The following WAC variants were observed in gnomAD, a reference collection of about 807,000 sequenced individuals.
WAC encodes WW domain-containing adapter protein with coiled-coil.
In WAC, 11 loss-of-function variants were observed where a neutral mutation model predicts 79.6. The observed-to-expected ratio is 0.14, with a 90% confidence interval of 0.09 to 0.23. The LOEUF (loss-of-function observed/expected upper bound fraction) is 0.23, where lower values mean the gene tolerates loss of function less well. Ranked by LOEUF, WAC falls within the 10% of genes least tolerant of loss-of-function variation. WAC has a pLI of 1.00. For synonymous variants in WAC, 304 were observed against 276.9 expected (o/e 1.10, Z -0.97); for missense variants, 728 against 773.5 (o/e 0.94, Z 0.70).
intron 3 of WAC, among the ~76,000 whole-genome samples, chr10:28,566,725 G>A (rs1032370384): frequency 6.6e-6 from 1 of 152,266 alleles, no homozygotes; most frequent in African/African-American, 2.4e-5. Flanking sequence ...AAAAGTCCAA[G>A]GTCAGCCCAT....
intron 3 of WAC, among the ~76,000 whole-genome samples, chr10:28,559,037 C>T (rs1418133523): frequency 1.3e-5 from 2 of 151,986 alleles, no homozygotes; most frequent in Non-Finnish European, 2.9e-5. Context: ...CCATGAGACA[C>T]TTAACGTAGT....
Position 28,622,185 on chromosome 10 carries a change from AT to A in WAC, c.*2584del, listed in dbSNP as rs930971427. On this transcript the variant is annotated 3_prime_UTR_variant, in exon 14 of 14. Coordinates refer to ENST00000354911, the MANE Select transcript of WAC (RefSeq NM_016628.5). The stretch of plus-strand genomic sequence containing the variant: ...AGCCACCGCTCCTGGCCAGTAGTGA[AT>A]TTTTAAACACAGAAAATCTAAAATT... The A allele has an allele frequency of 6.6e-6, 1 of 152,132 alleles. No individual in the cohort carries two copies. The highest frequency in any genetic ancestry group is 1.5e-5 in the Non-Finnish European group (1 of 67,992). The allele number at this position is 152,132 out of a possible 1,614,324, so 9.4% of individuals were successfully genotyped here. A position where few individuals can be genotyped will look rare whatever the true frequency, so the allele number is the denominator to read the frequency against.
At chr10:28,577,070 A>G (rs1839279513) in intron 3 of WAC, among the ~76,000 whole-genome samples, 1 of 152,160 alleles carries the variant, frequency 6.6e-6, no homozygotes, top group African/African-American at 2.4e-5. Context: ...TAACTGTACA[A>G]CCAGCTGTCA....
Position 28,540,602 on chromosome 10 carries a change from A to C in WAC, c.274+4845A>C, listed in dbSNP as rs550363205. ...TTTTCTCTTAATCCCTCATATTTAA[A>C]GACTTGTTTACGAAGTGGAAACATT... On this transcript the variant is annotated intron_variant, in intron 3 of 13. Transcript: ENST00000354911. Among the ~76,000 whole-genome samples, 15 of 152,354 alleles carry C rather than the reference A, an allele frequency of 9.8e-5. No homozygotes were observed. The South Asian group carries it at 1.2e-3, about 13-fold the overall frequency.
At chr10:28,583,996 A>C (rs769992890) in intron 4 of WAC, among the ~76,000 whole-genome samples, 2 of 152,224 alleles carry the variant, frequency 1.3e-5, no homozygotes, top group Non-Finnish European at 2.9e-5. Flanking sequence ...AGTTTAATGA[A>C]ATAAGTTATT....
At chr10:28,555,109 G>A (rs1348938593) in intron 3 of WAC, among the ~76,000 whole-genome samples, 2 of 152,128 alleles carry the variant, frequency 1.3e-5, no homozygotes, top group African/African-American at 4.8e-5. Flanking sequence ...CCAATTGCCA[G>A]GCCAGTAATC....
intron 6 of WAC, among the ~76,000 whole-genome samples, chr10:28,592,153 A>G (rs1201688528): frequency 6.6e-6 from 1 of 152,226 alleles, no homozygotes; most frequent in Non-Finnish European, 1.5e-5. Context: ...ATATTAAAGA[A>G]CATTGAATTT....
chr10:28,619,454 A>T (rs1287646124), intron 13 of WAC, 83 bp from the exon 14 acceptor site: 13 of 1,045,112 alleles, frequency 1.2e-5, no homozygotes, highest in East Asian at 8.9e-5. Flanking sequence ...GTTTTAATTT[A>T]AAAAATTTTA....
chr10:28,554,329 G>T (rs756524532), intron 3 of WAC, among the ~76,000 whole-genome samples: 2 of 152,132 alleles, frequency 1.3e-5, no homozygotes, highest in Non-Finnish European at 2.9e-5. Flanking sequence ...TAAATGTGAT[G>T]ATTTATTTTT....
At chr10:28,571,793 C>T (rs924966514) in intron 3 of WAC, among the ~76,000 whole-genome samples, 1 of 152,156 alleles carries the variant, frequency 6.6e-6, no homozygotes, top group Admixed American at 6.5e-5. Flanking sequence ...CAGGTACCTG[C>T]CTCTGTTTCT....
intron 3 of WAC, among the ~76,000 whole-genome samples, chr10:28,544,181 T>C (rs935982884): frequency 2.0e-5 from 3 of 152,104 alleles, no homozygotes; most frequent in Non-Finnish European, 4.4e-5. Flanking sequence ...CTGAGCCCAC[T>C]TCTTTCCAGA....
intron 3 of WAC, 98 bp downstream of exon 3, chr10:28,535,855 C>T: frequency 1.0e-6 from 1 of 1,001,910 alleles, no homozygotes; most frequent in Non-Finnish European, 1.4e-6. Context: ...AGTTACTGTT[C>T]AGTTATGTCA....
intron 3 of WAC, among the ~76,000 whole-genome samples, chr10:28,573,654 G>T (rs1177281845): frequency 6.6e-6 from 1 of 152,178 alleles, no homozygotes; most frequent in Non-Finnish European, 1.5e-5. Context: ...GTCTAAGCTA[G>T]ACAAATTAAA....
intron 3 of WAC, among the ~76,000 whole-genome samples, chr10:28,569,596 A>G (rs934008548): frequency 1.3e-5 from 2 of 151,410 alleles, no homozygotes; most frequent in Non-Finnish European, 2.9e-5. Context: ...TACACTGAGA[A>G]TTAATCTCTG....
At chr10:28,565,291 G>C (rs1320350124) in intron 3 of WAC, among the ~76,000 whole-genome samples, 1 of 152,210 alleles carries the variant, frequency 6.6e-6, no homozygotes, top group Non-Finnish European at 1.5e-5. Flanking sequence ...ATTCTTGTGT[G>C]AACATAACTT....
chr10:28,574,641 A>G (rs1023028514), intron 3 of WAC, among the ~76,000 whole-genome samples: 2 of 150,060 alleles, frequency 1.3e-5, no homozygotes, highest in Non-Finnish European at 3.0e-5. Context: ...GCGGGGTTTC[A>G]CCATGTTGCC....
intron 3 of WAC, among the ~76,000 whole-genome samples, chr10:28,572,926 T>C (rs1443403424): frequency 2.6e-5 from 4 of 152,264 alleles, no homozygotes; most frequent in Middle Eastern, 3.4e-3. Flanking sequence ...TTTTAGACTT[T>C]GTTGTGATTA....
At chr10:28,551,660 A>G (rs797012869) in intron 3 of WAC, among the ~76,000 whole-genome samples, 12 of 152,174 alleles carry the variant, frequency 7.9e-5, no homozygotes, top group African/African-American at 1.4e-4. Context: ...CCCATCCCCA[A>G]TAATTAATTA....
At chr10:28,554,854 C>T (rs981086058) in intron 3 of WAC, among the ~76,000 whole-genome samples, 1 of 152,122 alleles carries the variant, frequency 6.6e-6, no homozygotes, top group Non-Finnish European at 1.5e-5. Context: ...CTTTTTCTTT[C>T]TAGAATACTC....
Sources: allele counts gnomAD v4.1 joint callset (sites outside exome capture counted in the v4.1 genomes callset), GRCh38; gene constraint gnomAD v4.1.1; transcripts MANE v1.5; gene names NCBI Gene and HGNC (gene_info 2026-07-23, HGNC 2026-07-21).